Variants in CCDC178 observed in about 807,000 individuals in gnomAD.
The protein encoded by CCDC178 is coiled-coil domain containing 178, also known as coiled-coil domain-containing protein 178.
In CCDC178, 126 loss-of-function variants were observed where a neutral mutation model predicts 117.4. That is an observed-to-expected ratio of 1.07 (90% CI 0.93 to 1.24). The LOEUF (loss-of-function observed/expected upper bound fraction) is 1.24. Among genes scored for constraint, CCDC178 ranks in the 50% most tolerant of loss-of-function variants. The pLI is 0.00. For synonymous variants in CCDC178, 283 were observed against 313.4 expected (o/e 0.90, Z 1.02); for missense variants, 1,030 against 986.9 (o/e 1.04, Z -0.59).
At chr18:33,435,927 G>T (rs1348967380) in intron 2 of CCDC178, among the ~76,000 whole-genome samples, 1 of 152,014 alleles carries the variant, frequency 6.6e-6, no homozygotes. Flanking sequence ...GAGCAGAGGA[G>T]AGAGGACCAC....
chr18:33,340,215 G>A (rs138074756), intron 9 of CCDC178, among the ~76,000 whole-genome samples: 4,366 of 152,234 alleles, frequency 0.029, 228 homozygotes, highest in African/African-American at 0.099. Context: ...GAGACTGGTG[G>A]CATTTTGCCC....
intron 6 of CCDC178, among the ~76,000 whole-genome samples, chr18:33,361,443 G>A (rs1317205778): frequency 2.6e-5 from 4 of 151,066 alleles, no homozygotes; most frequent in Admixed American, 2.6e-4. Flanking sequence ...ACAACTTTTG[G>A]GAATCACACC....
At chr18:33,039,713 T>C (rs1161714789) in intron 21 of CCDC178, among the ~76,000 whole-genome samples, 1 of 151,992 alleles carries the variant, frequency 6.6e-6, no homozygotes, top group East Asian at 1.9e-4. Context: ...CTTAGATGCA[T>C]CTCTTGGTGA....
chr18:33,004,628 A>G (rs984211477), intron 21 of CCDC178, among the ~76,000 whole-genome samples: 1 of 152,082 alleles, frequency 6.6e-6, no homozygotes, highest in African/African-American at 2.4e-5. Flanking sequence ...GGGGTCGCAT[A>G]AAGTTAAAAA....
At chr18:33,150,912 C>T (rs1013146336) in intron 20 of CCDC178, among the ~76,000 whole-genome samples, 3 of 152,090 alleles carry the variant, frequency 2.0e-5, no homozygotes, top group Admixed American at 6.6e-5. Flanking sequence ...GAATACTACT[C>T]GGGCATAAAT....
At chr18:33,102,430 A>AAG (rs1555643619) in intron 20 of CCDC178, among the ~76,000 whole-genome samples, 2 of 151,574 alleles carry the variant, frequency 1.3e-5, no homozygotes, top group East Asian at 3.9e-4. Context: ...GAAGTAAAAA[A>AAG]AAAAAAAAAA....
chr18:32,939,646 C>G (rs980156137), intron 22 of CCDC178, among the ~76,000 whole-genome samples: 1 of 152,026 alleles, frequency 6.6e-6, no homozygotes, highest in East Asian at 1.9e-4. Flanking sequence ...GGTGACTGAG[C>G]CTTGATCCTT....
intron 21 of CCDC178, among the ~76,000 whole-genome samples, chr18:33,052,782 C>A (rs1232894240): frequency 6.6e-6 from 1 of 152,098 alleles, no homozygotes; most frequent in African/African-American, 2.4e-5. Context: ...TTTTAGGAAG[C>A]AGGATTTAAA....
intron 22 of CCDC178, among the ~76,000 whole-genome samples, chr18:32,944,325 T>C (rs2054300090): frequency 6.6e-6 from 1 of 152,136 alleles, no homozygotes; most frequent in African/African-American, 2.4e-5. Flanking sequence ...TAGGGAATCA[T>C]TAAATATATC....
At chr18:32,962,432 T>C (rs1268006379) in intron 22 of CCDC178, among the ~76,000 whole-genome samples, 1 of 152,108 alleles carries the variant, frequency 6.6e-6, no homozygotes, top group Non-Finnish European at 1.5e-5. Flanking sequence ...TTTACTGTAA[T>C]TCAGATCTAC....
chr18:33,404,301 G>C (rs72942639), intron 3 of CCDC178, among the ~76,000 whole-genome samples: 5 of 152,114 alleles, frequency 3.3e-5, no homozygotes, highest in Non-Finnish European at 5.9e-5. Context: ...TTAGGAGATA[G>C]TGAGTATATG....
At chr18:32,938,333 A>G (rs1386687940) in intron 22 of CCDC178, 1 of 403,156 alleles carries the variant, frequency 2.5e-6, no homozygotes, top group Non-Finnish European at 4.5e-6. Context: ...GAATGAGACA[A>G]TTAAATTATT....
At position 32,953,182 on chromosome 18, in the gene CCDC178, T is replaced by C. The variant is rs113110870; in HGVS notation, c.2524-15091A>G. On this transcript the variant is annotated intron_variant, in intron 22 of 22. Coordinates refer to ENST00000383096, the MANE Select transcript of CCDC178 (RefSeq NM_001105528.4). ...CTCAAGTTCCAAGTTCCACAGATTT[T>C]TATGCCAGAGGCAAAATGCTGCCAG... Among the ~76,000 whole-genome samples the C allele has an allele frequency of 2.6e-3, 403 of 152,316 alleles. 2 individuals carry two copies. The highest frequency in any genetic ancestry group is 8.3e-3 in the African/African-American group (347 of 41,574).
intron 2 of CCDC178, among the ~76,000 whole-genome samples, chr18:33,419,383 CA>C (rs2063991902): frequency 6.6e-6 from 1 of 152,130 alleles, no homozygotes; most frequent in African/African-American, 2.4e-5. Flanking sequence ...TAGGCCCTGG[CA>C]AAGATTTCAT....
rs549466003 is a variant in CCDC178 at position 33,176,900 on chromosome 18, G to A, written c.2238+34996C>T. Reference sequence around the variant, plus strand: ...AGTGAATCTGTTTCCTCAATGCTTCGTCTATGTTTTCAGCCAGCCACATCT... The same window carrying A: ...AGTGAATCTGTTTCCTCAATGCTTCATCTATGTTTTCAGCCAGCCACATCT... On this transcript the variant is annotated intron_variant, in intron 20 of 22. Transcript: ENST00000383096. 9.2e-5 allele frequency among the ~76,000 whole-genome samples: 14 copies of A among 152,162 alleles called. No individual in the cohort carries two copies. In the East Asian group the frequency reaches 1.5e-3, roughly 17 times the overall value.
chr18:33,191,205 A>C (rs2058854160), intron 20 of CCDC178, among the ~76,000 whole-genome samples: 1 of 152,120 alleles, frequency 6.6e-6, no homozygotes, highest in South Asian at 2.1e-4. Flanking sequence ...TACTCTACAC[A>C]CATATCTATT....
chr18:33,349,030 A>C (rs917315980), intron 7 of CCDC178, 55 bp from the exon 8 acceptor site: 15 of 1,078,822 alleles, frequency 1.4e-5, no homozygotes, highest in African/African-American at 3.2e-5. Flanking sequence ...TAGTAAAACA[A>C]ATTTTAGGTT....
At chr18:33,318,950 A>C (rs1011358924) in intron 11 of CCDC178, among the ~76,000 whole-genome samples, 4 of 152,130 alleles carry the variant, frequency 2.6e-5, no homozygotes, top group Admixed American at 2.0e-4. Context: ...CTTTTGAACA[A>C]AAATTCTGAA....
At chr18:33,145,465 A>G (rs1440216570) in intron 20 of CCDC178, among the ~76,000 whole-genome samples, 1 of 152,192 alleles carries the variant, frequency 6.6e-6, no homozygotes, top group South Asian at 2.1e-4. Flanking sequence ...AGTATGATTT[A>G]TTGGGTATAG....
Sources: gnomAD v4.1 joint callset for allele counts (sites outside exome capture counted in the v4.1 genomes callset) on GRCh38, gnomAD v4.1.1 for gene constraint, MANE v1.5 for transcripts, NCBI Gene and HGNC (gene_info 2026-07-23, HGNC 2026-07-21) for gene names.